NDUFAF2: variants seen among roughly 807,000 people sequenced by gnomAD.
NDUFAF2 encodes NADH dehydrogenase [ubiquinone] 1 alpha subcomplex assembly factor 2.
A neutral mutation model predicts 22.8 loss-of-function variants in NDUFAF2; 13 were observed. The ratio of observed to expected loss-of-function variants is 0.57; its 90% CI spans 0.37 to 0.91. NDUFAF2 has a LOEUF of 0.91. NDUFAF2 is among the 40% of genes least tolerant of loss of function. NDUFAF2 has a pLI of 0.01. For missense variants in NDUFAF2, 162 were observed against 195.2 expected (o/e 0.83, Z 1.01); for synonymous variants, 53 against 64.2 (o/e 0.83, Z 0.84).
chr5:60,966,725 C>T (rs1004768888), intron 1 of NDUFAF2, among the ~76,000 whole-genome samples: 1 of 151,996 alleles, frequency 6.6e-6, no homozygotes, highest in Non-Finnish European at 1.5e-5. Context: ...TGCGCTAATA[C>T]CATGTTGTTT....
chr5:61,064,523 A>G (rs913853477), intron 1 of NDUFAF2, among the ~76,000 whole-genome samples: 2 of 152,072 alleles, frequency 1.3e-5, no homozygotes, highest in African/African-American at 4.8e-5. Flanking sequence ...TTGACCATAT[A>G]TCTAGTATTG....
intron 1 of NDUFAF2, among the ~76,000 whole-genome samples, chr5:61,024,826 A>G (rs2112606060): frequency 6.6e-6 from 1 of 152,276 alleles, no homozygotes; most frequent in Admixed American, 6.5e-5. Flanking sequence ...ATAAGTATTT[A>G]ATATTCTAGC....
intron 1 of NDUFAF2, among the ~76,000 whole-genome samples, chr5:61,008,723 T>G (rs1320952722): frequency 3.9e-5 from 6 of 152,112 alleles, no homozygotes; most frequent in Non-Finnish European, 7.4e-5. Flanking sequence ...AGTTAATAAG[T>G]GACAGAACCC....
intron 1 of NDUFAF2, among the ~76,000 whole-genome samples, chr5:61,066,770 T>A (rs1752233502): frequency 6.6e-6 from 1 of 152,162 alleles, no homozygotes; most frequent in Non-Finnish European, 1.5e-5. Context: ...TTATACTGTA[T>A]TTTTTAAATT....
intron 1 of NDUFAF2, among the ~76,000 whole-genome samples, chr5:61,061,320 C>T (rs951069738): frequency 3.9e-5 from 6 of 152,092 alleles, no homozygotes; most frequent in Admixed American, 2.6e-4. Context: ...TATTCATCAT[C>T]ATGGTAAGCA....
intron 1 of NDUFAF2, among the ~76,000 whole-genome samples, chr5:60,992,327 G>A (rs1751169425): frequency 6.6e-6 from 1 of 152,140 alleles, no homozygotes; most frequent in South Asian, 2.1e-4. Flanking sequence ...GTCCATTTTT[G>A]CTTTGGATGT....
At chr5:61,119,651 C>T (rs1378946828) in intron 3 of NDUFAF2, among the ~76,000 whole-genome samples, 1 of 152,142 alleles carries the variant, frequency 6.6e-6, no homozygotes, top group East Asian at 1.9e-4. Flanking sequence ...GGGTTAACCA[C>T]CATCCACAAT....
chr5:61,045,851 T>C (rs996802512), intron 1 of NDUFAF2, among the ~76,000 whole-genome samples: 2 of 152,158 alleles, frequency 1.3e-5, no homozygotes, highest in African/African-American at 4.8e-5. Flanking sequence ...ACTTCCAGTA[T>C]TATATTGAAT....
At chr5:61,036,898 CTGTTGATGTAATTTATGTAGGT>C (rs1751806831) in intron 1 of NDUFAF2, among the ~76,000 whole-genome samples, 1 of 152,076 alleles carries the variant, frequency 6.6e-6, no homozygotes, top group South Asian at 2.1e-4. Context: ...GCAAGGGAGG[CTGTTGATGTAATTTATGTAGGT>C]TACCTTTCTG....
At chr5:61,096,597 C>CAAAA (rs35508356) in intron 2 of NDUFAF2, among the ~76,000 whole-genome samples, 2 of 95,290 alleles carry the variant, frequency 2.1e-5, no homozygotes, top group Admixed American at 1.1e-4. Flanking sequence ...GACACCATTG[C>CAAAA]AAAAAAAAAA....
intron 3 of NDUFAF2, among the ~76,000 whole-genome samples, chr5:61,136,006 TA>T (rs1740926730): frequency 1.7e-4 from 1 of 5,822 alleles, no homozygotes; most frequent in Admixed American, 3.0e-3. Context: ...AGCCTGTCTT[TA>T]TATATATATA....
At chr5:61,008,310 AAG>A (rs1751399426) in intron 1 of NDUFAF2, among the ~76,000 whole-genome samples, 1 of 152,196 alleles carries the variant, frequency 6.6e-6, no homozygotes, top group Admixed American at 6.5e-5. Flanking sequence ...AATAAAAAAA[AAG>A]AATGGATTTT....
intron 3 of NDUFAF2, among the ~76,000 whole-genome samples, chr5:61,130,061 CT>C (rs1422078737): frequency 1.3e-5 from 2 of 152,038 alleles, no homozygotes; most frequent in African/African-American, 2.4e-5. Context: ...TACCACGAAG[CT>C]TTTTATTGCC....
At chr5:60,959,422 T>C (rs1265987207) in intron 1 of NDUFAF2, among the ~76,000 whole-genome samples, 1 of 152,076 alleles carries the variant, frequency 6.6e-6, no homozygotes, top group Non-Finnish European at 1.5e-5. Flanking sequence ...AAGATAAAGA[T>C]TTTTAAATGA....
chr5:61,112,308 G>C lies in NDUFAF2; in HGVS notation c.258+13276G>C, dbSNP rs1752854683. On this transcript the variant is annotated intron_variant, in intron 3 of 3. Transcript: ENST00000296597. ...GGCTCACTGCAACCTCCAACTCCCT[G>C]GTTCAAGCAATTCTCCTGCCTCAGC... Among the ~76,000 whole-genome samples the C allele has an allele frequency of 2.0e-5, 3 of 149,754 alleles. No homozygotes were observed. The South Asian group carries it at 6.4e-4, about 32-fold the overall frequency.
intron 3 of NDUFAF2, among the ~76,000 whole-genome samples, chr5:61,126,917 G>A (rs536030695): frequency 2.2e-4 from 33 of 151,780 alleles, no homozygotes; most frequent in Non-Finnish European, 4.4e-4. Flanking sequence ...AAAGAGAGAA[G>A]AATCAAATAA....
chr5:61,066,634 A>G (rs1284542836), intron 1 of NDUFAF2, among the ~76,000 whole-genome samples: 5 of 152,104 alleles, frequency 3.3e-5, no homozygotes, highest in Non-Finnish European at 7.4e-5. Context: ...TCTGCGGATG[A>G]TCAATTCACT....
intron 2 of NDUFAF2, among the ~76,000 whole-genome samples, chr5:61,076,607 G>A (rs1234043448): frequency 1.3e-5 from 2 of 152,198 alleles, no homozygotes; most frequent in South Asian, 2.1e-4. Flanking sequence ...ATAGGATTGT[G>A]AATCTGGGGG....
chr5:61,141,276 C>A (rs1741053499), intron 3 of NDUFAF2, among the ~76,000 whole-genome samples: 1 of 151,848 alleles, frequency 6.6e-6, no homozygotes, highest in South Asian at 2.1e-4. Flanking sequence ...GGGACACTAG[C>A]TTTTCTTCTG....
Sources: gnomAD v4.1 joint callset for allele counts (sites outside exome capture counted in the v4.1 genomes callset) on GRCh38, gnomAD v4.1.1 for gene constraint, MANE v1.5 for transcripts, NCBI Gene and HGNC (gene_info 2026-07-23, HGNC 2026-07-21) for gene names.